ADGRL3: variants seen among roughly 807,000 people sequenced by gnomAD.
ADGRL3 encodes the protein adhesion G protein-coupled receptor L3.
A neutral mutation model predicts 153.5 loss-of-function variants in ADGRL3; 62 were observed. That is an observed-to-expected ratio of 0.40 (90% CI 0.33 to 0.50). ADGRL3 has a LOEUF of 0.50. Among genes scored for constraint, ADGRL3 ranks in the 20% least tolerant of loss-of-function variants. ADGRL3 has a pLI of 0.47. For missense variants in ADGRL3, 1,641 were observed against 1,859.4 expected, an observed-to-expected ratio of 0.88 and a Z score of 2.16; for synonymous variants, 710 against 672.5, an observed-to-expected ratio of 1.06 and a Z score of -0.86.
intron 2 of ADGRL3, among the ~76,000 whole-genome samples, chr4:61,421,689 A>G (rs979113807): frequency 6.6e-6 from 1 of 152,164 alleles, no homozygotes; most frequent in African/African-American, 2.4e-5. Context: ...TATAATTAAA[A>G]TCACTTAATT....
chr4:61,551,603 G>A (rs571393830), intron 4 of ADGRL3, among the ~76,000 whole-genome samples: 1 of 152,214 alleles, frequency 6.6e-6, no homozygotes, highest in African/African-American at 2.4e-5. Flanking sequence ...CTTTTGCTAA[G>A]ATAAACCAGG....
intron 5 of ADGRL3, among the ~76,000 whole-genome samples, chr4:61,663,465 C>A (rs191138278): frequency 6.6e-6 from 1 of 152,196 alleles, no homozygotes; most frequent in East Asian, 1.9e-4. Context: ...CCACCGCAGC[C>A]GGTGTGCCTG....
At chr4:61,667,831 A>G (rs1313579647) in intron 5 of ADGRL3, among the ~76,000 whole-genome samples, 1 of 152,212 alleles carries the variant, frequency 6.6e-6, no homozygotes, top group African/African-American at 2.4e-5. Context: ...TGTGGCTTAC[A>G]TGCCTTTTAA....
intron 8 of ADGRL3, among the ~76,000 whole-genome samples, chr4:61,800,648 G>T (rs1453655196): frequency 6.6e-6 from 1 of 152,158 alleles, no homozygotes; most frequent in African/African-American, 2.4e-5. Flanking sequence ...AATAACGGAA[G>T]ATACTTGTTA....
chr4:61,616,327 T>A (rs2091999953), intron 5 of ADGRL3, among the ~76,000 whole-genome samples: 1 of 152,172 alleles, frequency 6.6e-6, no homozygotes, highest in Non-Finnish European at 1.5e-5. Flanking sequence ...TGTGAATATA[T>A]AATTTAAAGC....
At chr4:61,561,440 T>C (rs1169370472) in intron 4 of ADGRL3, among the ~76,000 whole-genome samples, 1 of 152,162 alleles carries the variant, frequency 6.6e-6, no homozygotes, top group African/African-American at 2.4e-5. Flanking sequence ...CTGACAAAGC[T>C]TCTCTGTTTC....
chr4:61,376,649 A>G (rs925034706), intron 1 of ADGRL3, among the ~76,000 whole-genome samples: 5 of 152,158 alleles, frequency 3.3e-5, no homozygotes, highest in Admixed American at 2.0e-4. Flanking sequence ...TCAAGCCTCC[A>G]TCAGTCACAT....
At chr4:61,639,627 A>G (rs917267001) in intron 5 of ADGRL3, among the ~76,000 whole-genome samples, 10 of 152,176 alleles carry the variant, frequency 6.6e-5, no homozygotes, top group Non-Finnish European at 1.3e-4. Context: ...CTCAATTAAT[A>G]CTTTCTGCTG....
intron 4 of ADGRL3, among the ~76,000 whole-genome samples, chr4:61,565,074 A>G (rs1291035094): frequency 6.6e-6 from 1 of 152,194 alleles, no homozygotes; most frequent in Admixed American, 6.5e-5. Flanking sequence ...TGTGACAGAG[A>G]CAGGTAGTGA....
chr4:61,699,490 C>T (rs2095708420), intron 6 of ADGRL3, among the ~76,000 whole-genome samples: 1 of 152,028 alleles, frequency 6.6e-6, no homozygotes, highest in African/African-American at 2.4e-5. Flanking sequence ...TGGCTCAGAT[C>T]TTGTGGGGCC....
intron 9 of ADGRL3, among the ~76,000 whole-genome samples, chr4:61,881,630 G>A (rs962239723): frequency 1.3e-5 from 2 of 152,164 alleles, no homozygotes; most frequent in Non-Finnish European, 1.5e-5. Flanking sequence ...TGCCTGCCTC[G>A]GCCGCCCAAA....
chr4:61,346,322 C>CACACACAG (rs1214439792), intron 1 of ADGRL3, among the ~76,000 whole-genome samples: 22 of 151,628 alleles, frequency 1.5e-4, no homozygotes, highest in African/African-American at 5.3e-4. Flanking sequence ...CACACACACA[C>CACACACAG]ACACACACAC....
chr4:61,617,778 A>G (rs1318451026), intron 5 of ADGRL3, among the ~76,000 whole-genome samples: 1 of 152,108 alleles, frequency 6.6e-6, no homozygotes, highest in Admixed American at 6.6e-5. Flanking sequence ...CATGCTCCAT[A>G]TTTTCTTCCC....
rs563837201 is a variant in ADGRL3 at position 61,778,562 on chromosome 4, G to C, written c.1400-35247G>C. On this transcript the variant is annotated intron_variant, in intron 8 of 26. Transcript: ENST00000683033. ...TAAAACAGGTAAAAATTGCCTATCT[G>C]CAACATTCGGTTTTTTAAAATTTAT... Among the ~76,000 whole-genome samples the C allele has an allele frequency of 2.0e-5, 3 of 152,240 alleles. No homozygotes were observed. The East Asian group carries it at 5.8e-4, about 29-fold the overall frequency.
chr4:61,243,060 A>C (rs1755651182), intron 1 of ADGRL3, among the ~76,000 whole-genome samples: 1 of 152,102 alleles, frequency 6.6e-6, no homozygotes, highest in Admixed American at 6.6e-5. Context: ...CAACATGGGA[A>C]TCAATTAAAC....
chr4:61,484,125 CT>C lies in ADGRL3; in HGVS notation c.-173-12992del, dbSNP rs571761174. ...TTTTTACTTATTGTTTTCTCACAAC[CT>C]TTTGCTAAGTGACTCCTGGAACATG... is the stretch of plus-strand genomic sequence containing the variant. On this transcript the variant is annotated intron_variant, in intron 2 of 26. Transcript: ENST00000683033. 4.5e-3 allele frequency among the ~76,000 whole-genome samples: 688 copies of C among 151,978 alleles called. 6 individuals carry two copies. The highest frequency in any genetic ancestry group is 7.0e-3 in the Non-Finnish European group (477 of 67,994).
chr4:61,995,332 T>C (rs1390944296), intron 19 of ADGRL3, among the ~76,000 whole-genome samples: 1 of 152,168 alleles, frequency 6.6e-6, no homozygotes, highest in African/African-American at 2.4e-5. Flanking sequence ...TAGGCATTTC[T>C]AATTTCCCTT....
chr4:61,425,813 G>T (rs1245517323), intron 2 of ADGRL3, among the ~76,000 whole-genome samples: 2 of 152,224 alleles, frequency 1.3e-5, no homozygotes, highest in Non-Finnish European at 2.9e-5. Flanking sequence ...TCACACAGTA[G>T]GCCCTCCCCC....
intron 25 of ADGRL3, among the ~76,000 whole-genome samples, chr4:62,053,113 A>G (rs2151780791): frequency 6.6e-6 from 1 of 151,638 alleles, no homozygotes; most frequent in South Asian, 2.1e-4. Context: ...TAATTCTAAC[A>G]GAGTCATCAT....
Sources: gnomAD v4.1 joint callset for allele counts (sites outside exome capture counted in the v4.1 genomes callset) on GRCh38, gnomAD v4.1.1 for gene constraint, MANE v1.5 for transcripts, NCBI Gene and HGNC (gene_info 2026-07-23, HGNC 2026-07-21) for gene names.